The following IQGAP1 variants were observed in gnomAD, a reference collection of about 807,000 sequenced individuals.
IQGAP1 encodes the protein ras GTPase-activating-like protein IQGAP1.
Under a neutral mutation model 215.6 loss-of-function variants are expected in IQGAP1, and 66 were observed. The observed-to-expected ratio is 0.31, with a 90% confidence interval of 0.25 to 0.38. IQGAP1 has a LOEUF of 0.38. Ranked by LOEUF, IQGAP1 falls within the 10% of genes least tolerant of loss-of-function variation. The pLI is 1.00. For missense variants in IQGAP1, 1,712 were observed against 1,997.1 expected, an observed-to-expected ratio of 0.86 and a Z score of 2.72; for synonymous variants, 772 against 728.7, an observed-to-expected ratio of 1.06 and a Z score of -0.96.
intron 2 of IQGAP1, among the ~76,000 whole-genome samples, chr15:90,422,620 A>ATATGTATATATATATGTATATG (rs1555435935): frequency 6.7e-5 from 5 of 74,320 alleles, no homozygotes; most frequent in East Asian, 1.3e-3. Flanking sequence ...ATATATATAT[A>ATATGTATATATATATGTATATG]TATATGTATA....
chr15:90,415,034 G>A (rs1965025759), intron 2 of IQGAP1, among the ~76,000 whole-genome samples: 1 of 152,176 alleles, frequency 6.6e-6, no homozygotes, highest in African/African-American at 2.4e-5. Flanking sequence ...GGTATATGGT[G>A]CCGGATTTTC....
chr15:90,452,712 G>T (rs142575723), intron 11 of IQGAP1, 63 bp from the exon 12 acceptor site: 1 of 1,523,958 alleles, frequency 6.6e-7, no homozygotes, highest in Non-Finnish European at 8.9e-7. Context: ...ATGAAGATTG[G>T]CACCTTCTTC....
At chr15:90,422,481 A>G (rs1965150789) in intron 2 of IQGAP1, among the ~76,000 whole-genome samples, 1 of 151,846 alleles carries the variant, frequency 6.6e-6, no homozygotes, top group Non-Finnish European at 1.5e-5. Flanking sequence ...TAGAAATGAC[A>G]TAAATGTCTA....
At chr15:90,394,969 G>A (rs1324698251) in intron 2 of IQGAP1, among the ~76,000 whole-genome samples, 1 of 152,204 alleles carries the variant, frequency 6.6e-6, no homozygotes, top group Non-Finnish European at 1.5e-5. Context: ...GAGAGTATAA[G>A]TGTAGAGAGA....
chr15:90,389,929 G>C (rs1042108064), intron 1 of IQGAP1, among the ~76,000 whole-genome samples: 5 of 148,950 alleles, frequency 3.4e-5, no homozygotes, highest in African/African-American at 1.0e-4. Flanking sequence ...CACTCGAGCC[G>C]GAGTGACAGA....
At chr15:90,423,363 A>G (rs1200192289) in intron 2 of IQGAP1, among the ~76,000 whole-genome samples, 1 of 152,112 alleles carries the variant, frequency 6.6e-6, no homozygotes, top group East Asian at 1.9e-4. Context: ...CCTCCCAAGT[A>G]TCTGAGACTA....
Position 90,491,349 on chromosome 15 carries a change from G to A in IQGAP1, c.4265G>A (p.Arg1422Lys). 5 of 1,613,992 alleles carry A rather than the reference G, an allele frequency of 3.1e-6. No homozygotes were observed. The highest frequency in any genetic ancestry group is 4.2e-6 in the Non-Finnish European group (5 of 1,179,956). Residue 1422 changes from arginine to lysine, a missense_variant, in exon 34 of 38, where the codon AGA (arginine) becomes AAA (lysine). Arg to Lys is a conservative substitution (Grantham distance 26). Around this residue, in one of 2 missense-constraint regions of IQGAP1, gnomAD observed 691 missense variants for 923.0 expected, o/e 0.75. Coordinates refer to ENST00000268182, the MANE Select transcript of IQGAP1 (RefSeq NM_003870.4). ...ATSEQEAEHQ[R>K]AMQRRAIRDA... Reference sequence around the variant, plus strand: ...CATCCGTAGGAAGCAGAACATCAGAGAGCCATGCAGAGACGTGCTATCCGT... The same window carrying A: ...CATCCGTAGGAAGCAGAACATCAGAAAGCCATGCAGAGACGTGCTATCCGT...
intron 2 of IQGAP1, among the ~76,000 whole-genome samples, chr15:90,406,457 C>T (rs1371537190): frequency 6.6e-6 from 1 of 152,226 alleles, no homozygotes; most frequent in African/African-American, 2.4e-5. Flanking sequence ...GCCACCGTGC[C>T]CGGCCGGGGT....
chr15:90,440,339 T>TA (rs1965430778), intron 6 of IQGAP1, among the ~76,000 whole-genome samples, 163 bp from the exon 7 acceptor site: 3 of 152,382 alleles, frequency 2.0e-5, no homozygotes, highest in Admixed American at 2.0e-4. Flanking sequence ...ATATACTAGT[T>TA]ACTGTGTTAA....
rs28379662 is a variant in IQGAP1 at position 90,437,594 on chromosome 15, C to T, written c.468-1738C>T. Among the ~76,000 whole-genome samples, 258 of 152,176 alleles carry T rather than the reference C, an allele frequency of 1.7e-3. 2 individuals carry two copies. The highest frequency in any genetic ancestry group is 5.3e-3 in the African/African-American group (221 of 41,508). On this transcript the variant is annotated intron_variant, in intron 5 of 37. Coordinates refer to ENST00000268182, the MANE Select transcript of IQGAP1 (RefSeq NM_003870.4). ...TCTTACTCTTTTGCCTAGGCTGGAA[C>T]GCAGAGGTGTGATCTTGACTCATTG...
In IQGAP1 at chr15:90,487,717, T is replaced by G. The variant is rs867914296; in HGVS notation, c.4248+135T>G. On this transcript the variant is annotated intron_variant, in intron 33 of 37. Coordinates refer to ENST00000268182, the MANE Select transcript of IQGAP1 (RefSeq NM_003870.4). ...GAGCATGAATGTAACTGGGGGACAG[T>G]GGTAGTTATGGCTCGTCTGAGAAAG... 3.4e-4 allele frequency: 219 copies of G among 640,382 alleles called. No homozygotes were observed. The South Asian group carries it at 3.5e-3, about 10-fold the overall frequency. The allele number at this position is 640,382 out of a possible 1,614,324, so 39.7% of individuals were successfully genotyped here.
chr15:90,441,075 C>G (rs1761343154), intron 7 of IQGAP1, among the ~76,000 whole-genome samples: 1 of 151,504 alleles, frequency 6.6e-6, no homozygotes, highest in East Asian at 1.9e-4. Flanking sequence ...CCATTGCACT[C>G]CAGACTGGGC....
At chr15:90,498,542 ATGTGGGGTAACTGCCAGG>A (rs1966301925) in intron 37 of IQGAP1, among the ~76,000 whole-genome samples, 1 of 152,132 alleles carries the variant, frequency 6.6e-6, no homozygotes, top group South Asian at 2.1e-4. Flanking sequence ...AATTCATTAA[ATGTGGGGTAACTGCCAGG>A]TGTGGGGTAT....
chr15:90,481,400 C>A (rs1433382953), intron 26 of IQGAP1, among the ~76,000 whole-genome samples: 1 of 151,284 alleles, frequency 6.6e-6, no homozygotes, highest in African/African-American at 2.4e-5. Flanking sequence ...TCCTTGAAGA[C>A]CTCCTTCTGG....
intron 25 of IQGAP1, 126 bp from the exon 26 acceptor site, chr15:90,477,539 A>T (rs1596286797): frequency 1.4e-6 from 1 of 731,582 alleles, no homozygotes; most frequent in Middle Eastern, 3.1e-4. Flanking sequence ...CTGCAGGAAC[A>T]TTCTGTGAGT....
At chr15:90,491,195 AG>A (rs1244799861) in intron 33 of IQGAP1, 137 bp from the exon 34 acceptor site, 4 of 664,982 alleles carry the variant, frequency 6.0e-6, no homozygotes, top group South Asian at 3.9e-5. Flanking sequence ...ATCATTTGGC[AG>A]GGGGCAGAAT....
At chr15:90,438,343 C>T (rs545320296) in intron 5 of IQGAP1, among the ~76,000 whole-genome samples, 11 of 152,034 alleles carry the variant, frequency 7.2e-5, no homozygotes, top group Non-Finnish European at 8.8e-5. Flanking sequence ...TTAATTTATC[C>T]GTCCATCCAT....
intron 9 of IQGAP1, among the ~76,000 whole-genome samples, chr15:90,446,162 G>A (rs73482581): frequency 0.012 from 1,859 of 152,186 alleles, 29 homozygotes; most frequent in African/African-American, 0.043. Context: ...GTTGCATAGA[G>A]TACATAAAAT....
intron 8 of IQGAP1, among the ~76,000 whole-genome samples, chr15:90,442,998 C>T (rs182920352): frequency 3.9e-5 from 6 of 152,106 alleles, no homozygotes; most frequent in Admixed American, 2.6e-4. Flanking sequence ...CTCGCTCAGT[C>T]ACCTAGGCTG....
Sources: gnomAD v4.1 joint callset for allele counts (sites outside exome capture counted in the v4.1 genomes callset) on GRCh38, gnomAD v4.1.1 for gene constraint, gnomAD v4.1.1 regional missense constraint, MANE v1.5 for transcripts, NCBI Gene and HGNC (gene_info 2026-07-23, HGNC 2026-07-21) for gene names.